The following TRAF3 variants were observed in gnomAD, a reference collection of about 807,000 sequenced individuals.
The protein encoded by TRAF3 is TNF receptor associated factor 3.
Under a neutral mutation model 62.3 loss-of-function variants are expected in TRAF3, and 13 were observed. The observed-to-expected ratio is 0.21, with a 90% CI of 0.14 to 0.33. The LOEUF (loss-of-function observed/expected upper bound fraction) is 0.33. TRAF3 is among the 10% of genes least tolerant of loss of function. The pLI, the probability that TRAF3 is intolerant of heterozygous loss-of-function variation, is 1.00. For missense variants in TRAF3, 440 were observed against 741.8 expected (o/e 0.59, Z 4.73); for synonymous variants, 269 against 283.4 (o/e 0.95, Z 0.51).
intron 2 of TRAF3, among the ~76,000 whole-genome samples, chr14:102,842,070 C>T (rs1886402915): frequency 1.3e-5 from 2 of 151,938 alleles, no homozygotes; most frequent in Admixed American, 1.3e-4. Flanking sequence ...CATGGCGAAA[C>T]CTCGTCTCTA....
chr14:102,835,056 C>T (rs1054858244), intron 2 of TRAF3, among the ~76,000 whole-genome samples: 1 of 151,794 alleles, frequency 6.6e-6, no homozygotes, highest in Non-Finnish European at 1.5e-5. Context: ...TTAAGAACTA[C>T]AAGAAAAAAA....
Position 102,906,102 on chromosome 14 carries a change from G to T in TRAF3, c.*318G>T. ...CATATATGCTAAACAAAAGAAACAT[G>T]ATTTTTCTTCCTTAAACTTGAACAC... On this transcript the variant is annotated 3_prime_UTR_variant, in exon 12 of 12. Coordinates refer to ENST00000392745, the MANE Select transcript of TRAF3 (RefSeq NM_145725.3). 4.2e-6 allele frequency: 1 copy of T among 237,682 alleles called. No homozygotes were observed. The highest frequency in any genetic ancestry group is 8.2e-6 in the Non-Finnish European group (1 of 121,338). 14.7% of individuals were successfully genotyped at this position (237,682 alleles called of 1,614,324 possible).
In TRAF3 at chr14:102,801,367, TA is replaced by T. The variant is rs778453946; in HGVS notation, c.-157+23696del. Among the ~76,000 whole-genome samples the T allele has an allele frequency of 5.9e-4, 90 of 152,274 alleles. 1 individual carries two copies. In the Middle Eastern group the frequency reaches 0.017, roughly 29 times the overall value. ...AAATATGCGTACAATATTTCCTTTC[TA>T]AAATTCAAAAAATTCTGAACTCTGA... On this transcript the variant is annotated intron_variant, in intron 1 of 11. Coordinates refer to ENST00000392745, the MANE Select transcript of TRAF3 (RefSeq NM_145725.3).
chr14:102,875,451 G>A (rs574699383), intron 4 of TRAF3, among the ~76,000 whole-genome samples, 173 bp from the exon 5 acceptor site: 75 of 151,414 alleles, frequency 5.0e-4, no homozygotes, highest in African/African-American at 1.6e-3. Context: ...CTTAGTGGGG[G>A]CAGCTTCTTC....
In TRAF3 at chr14:102,870,362, A is replaced by G; in HGVS notation, c.161A>G (p.Glu54Gly). ...ACCGTGGAGGACAAGTACAAGTGTG[A>G]GAAGTGCCACCTGGTGCTGTGCAGC... ...VKTVEDKYKC[E>G]KCHLVLCSPK... is the part of the protein sequence containing the mutation. Residue 54 changes from glutamate to glycine, a missense_variant, in exon 3 of 12, where the codon GAG (glutamate) becomes GGG (glycine). Coordinates refer to ENST00000392745, the MANE Select transcript of TRAF3 (RefSeq NM_145725.3). The G allele has an allele frequency of 6.2e-7, 1 of 1,614,208 alleles. No individual in the cohort carries two copies. The highest frequency in any genetic ancestry group is 8.5e-7 in the Non-Finnish European group (1 of 1,180,030).
Position 102,853,371 on chromosome 14 carries a change from A to T in TRAF3, c.-17-16814A>T, listed in dbSNP as rs545043929. Among the ~76,000 whole-genome samples the T allele has an allele frequency of 7.2e-5, 11 of 152,172 alleles. No homozygotes were observed. In the South Asian group the frequency reaches 2.1e-3, roughly 29 times the overall value. On this transcript the variant is annotated intron_variant, in intron 2 of 11. Coordinates refer to ENST00000392745, the MANE Select transcript of TRAF3 (RefSeq NM_145725.3). ...TTTTTTTATGTTCGTGGTGGTGGTA[A>T]GGAGTGGCTACCAGGCTGTGCGGGA...
chr14:102,860,710 C>G (rs1595370080), intron 2 of TRAF3, among the ~76,000 whole-genome samples: 1 of 152,306 alleles, frequency 6.6e-6, no homozygotes, highest in East Asian at 1.9e-4. Context: ...AAAATTGAAC[C>G]TGAACTCAGG....
At chr14:102,902,947 T>C in intron 10 of TRAF3, 4 of 422,946 alleles carry the variant, frequency 9.5e-6, no homozygotes, top group South Asian at 8.3e-5. Context: ...ACTTGCCACC[T>C]GTCACTTTGC....
At chr14:102,785,985 TGGGATA>T (rs1349747940) in intron 1 of TRAF3, among the ~76,000 whole-genome samples, 3 of 152,316 alleles carry the variant, frequency 2.0e-5, no homozygotes, top group Admixed American at 6.5e-5. Context: ...TCTGTGCATC[TGGGATA>T]GGTCTCTAGG....
Position 102,865,839 on chromosome 14 carries a change from A to C in TRAF3, c.-17-4346A>C, listed in dbSNP as rs1250053710. On this transcript the variant is annotated intron_variant, in intron 2 of 11. Transcript: ENST00000392745. ...TTTCTCTTCATTAAAAGACACTATA[A>C]ATAAAGTCAAGCCATAGTGCTGGCT... The C allele has an allele frequency of 2.0e-5, 3 of 152,340 alleles. No homozygotes were observed. The East Asian group carries it at 5.8e-4, about 29-fold the overall frequency. The allele number at this position is 152,340 out of a possible 1,614,324, so 9.4% of individuals were successfully genotyped here. A position where few individuals can be genotyped will look rare whatever the true frequency, so the allele number is the denominator to read the frequency against.
chr14:102,902,952 C>G lies in TRAF3; in HGVS notation c.961-303C>G, dbSNP rs891888207. ...TCTTCTGAACACTTGCCACCTGTCA[C>G]TTTGCTTTCCTGATGGCTCTCTGTT... On this transcript the variant is annotated intron_variant, in intron 10 of 11. Transcript: ENST00000392745. 4.2e-5 allele frequency: 18 copies of G among 431,340 alleles called. No homozygotes were observed. The Admixed American group carries it at 6.2e-4, about 15-fold the overall frequency. 26.7% of individuals were successfully genotyped at this position (431,340 alleles called of 1,614,324 possible).
chr14:102,893,790 A>G (rs1889856076), intron 9 of TRAF3, among the ~76,000 whole-genome samples: 3 of 152,200 alleles, frequency 2.0e-5, no homozygotes, highest in African/African-American at 7.2e-5. Flanking sequence ...TCTGTCCATC[A>G]GAGCAGAGTC....
intron 2 of TRAF3, among the ~76,000 whole-genome samples, chr14:102,858,178 G>C (rs921738455): frequency 1.3e-5 from 2 of 149,272 alleles, no homozygotes; most frequent in African/African-American, 5.0e-5. Flanking sequence ...TCTTGAGACA[G>C]TCTCACTCTG....
At chr14:102,884,947 A>G (rs1889289356) in intron 6 of TRAF3, among the ~76,000 whole-genome samples, 1 of 152,210 alleles carries the variant, frequency 6.6e-6, no homozygotes, top group South Asian at 2.1e-4. Flanking sequence ...GGATGTGGAA[A>G]CGTGCATCCC....
intron 9 of TRAF3, 79 bp from the exon 10 acceptor site, chr14:102,897,182 G>T (rs775787700): frequency 2.2e-5 from 30 of 1,381,310 alleles, no homozygotes; most frequent in Non-Finnish European, 3.0e-5. Context: ...GGCCTATATT[G>T]TGAAAATTTA....
chr14:102,851,427 C>G (rs752388000), intron 2 of TRAF3, among the ~76,000 whole-genome samples: 7 of 152,162 alleles, frequency 4.6e-5, no homozygotes, highest in African/African-American at 9.7e-5. Context: ...TGTGAACGGA[C>G]CAGATATGGT....
At chr14:102,870,704 CAT>C (rs1161598055) in intron 3 of TRAF3, among the ~76,000 whole-genome samples, 5 of 152,150 alleles carry the variant, frequency 3.3e-5, no homozygotes, top group African/African-American at 1.2e-4. Context: ...TGGTGCCCCT[CAT>C]ATGTGTTGCT....
At chr14:102,852,500 T>C (rs1008730575) in intron 2 of TRAF3, among the ~76,000 whole-genome samples, 2 of 152,204 alleles carry the variant, frequency 1.3e-5, no homozygotes, top group Admixed American at 1.3e-4. Context: ...TGGCCACTTA[T>C]TTCTCCTTAA....
At chr14:102,897,819 GAC>G (rs1890079330) in intron 10 of TRAF3, among the ~76,000 whole-genome samples, 1 of 152,258 alleles carries the variant, frequency 6.6e-6, no homozygotes, top group Non-Finnish European at 1.5e-5. Flanking sequence ...GCTTTCCAGT[GAC>G]ACGCGCTCAC....
Sources: allele counts gnomAD v4.1 joint callset (sites outside exome capture counted in the v4.1 genomes callset), GRCh38; gene constraint gnomAD v4.1.1; transcripts MANE v1.5; gene names NCBI Gene and HGNC (gene_info 2026-07-23, HGNC 2026-07-21).